CUX1: variants seen among roughly 807,000 people sequenced by gnomAD.
The protein encoded by CUX1 is cut like homeobox 1, also known as protein CASP.
CUX1 carries 31 observed loss-of-function variants against 158.8 expected under a neutral mutation model. The observed-to-expected ratio is 0.20, with a 90% CI of 0.15 to 0.26. The LOEUF is 0.26. Among genes scored for constraint, CUX1 ranks in the 10% least tolerant of loss-of-function variants. The probability of loss-of-function intolerance (pLI) is 1.00; values close to 1 mark genes in which losing one functional copy is unlikely to be tolerated. For synonymous variants in CUX1, 879 were observed against 862.1 expected (o/e 1.02, Z -0.34); for missense variants, 1,589 against 2,014.6 (o/e 0.79, Z 4.04).
intron 8 of CUX1, among the ~76,000 whole-genome samples, chr7:102,157,129 G>A (rs1283865703): frequency 6.6e-6 from 1 of 152,180 alleles, no homozygotes; most frequent in Non-Finnish European, 1.5e-5. Context: ...ACAGGGTCCT[G>A]AGAAAGAGTG....
intron 20 of CUX1, among the ~76,000 whole-genome samples, chr7:102,213,333 A>G (rs1490777507): frequency 1.3e-5 from 2 of 152,196 alleles, no homozygotes; most frequent in Admixed American, 6.5e-5. Context: ...TCATTGACCA[A>G]TTCCTTAAAG....
At chr7:101,983,314 C>T (rs1813713875) in intron 2 of CUX1, among the ~76,000 whole-genome samples, 2 of 152,176 alleles carry the variant, frequency 1.3e-5, no homozygotes, top group South Asian at 4.1e-4. Flanking sequence ...CAGCTATTTG[C>T]ATAAACCTCA....
chr7:102,204,602 A>G, intron 19 of CUX1, 46 bp downstream of exon 19: 1 of 1,600,124 alleles, frequency 6.2e-7, no homozygotes, highest in Non-Finnish European at 8.5e-7. Context: ...CCCCATAGCA[A>G]GGACCTGGTC....
intron 5 of CUX1, among the ~76,000 whole-genome samples, chr7:102,098,807 ATTTTTT>A (rs112048598): frequency 0.21 from 14,016 of 67,184 alleles, 1,566 homozygotes; most frequent in African/African-American, 0.31. Context: ...CGCCCAACTA[ATTTTTT>A]TTTTTTTTTT....
intron 6 of CUX1, among the ~76,000 whole-genome samples, chr7:102,106,087 T>C (rs1300801467): frequency 1.1e-4 from 14 of 124,588 alleles, no homozygotes; most frequent in African/African-American, 2.2e-4. Flanking sequence ...TTCTTTTTTT[T>C]TTTTTTTTTT....
At chr7:102,035,804 A>G (rs1489582981) in intron 3 of CUX1, among the ~76,000 whole-genome samples, 1 of 152,120 alleles carries the variant, frequency 6.6e-6, no homozygotes, top group Non-Finnish European at 1.5e-5. Flanking sequence ...TTCCACTACT[A>G]TTGAAGCGAT....
At chr7:102,161,407 C>T (rs1210424753) in intron 9 of CUX1, 1 of 152,074 alleles carries the variant, frequency 6.6e-6, no homozygotes. Context: ...GCTGAAGAAG[C>T]TCAGGTTTTG....
chr7:102,254,560 G>A lies in CUX1; in HGVS notation c.*5518G>A. The A allele has an allele frequency of 2.0e-6, 2 of 985,460 alleles. No homozygotes were observed. Among genetic ancestry groups the A allele is most frequent in the Non-Finnish European group, 2.4e-6 (2 of 829,982 alleles). 61.0% of individuals were successfully genotyped at this position (985,460 alleles called of 1,614,324 possible). ...TTGGAGGTGGGTCTGTCCACTGTGG[G>A]GGCCAAAGTGTTCCCCTGCTGGAGA... On this transcript the variant is annotated 3_prime_UTR_variant, in exon 24 of 24. Coordinates refer to ENST00000292535, the MANE Select transcript of CUX1 (RefSeq NM_181552.4).
chr7:102,216,515 C>T (rs543152119), intron 20 of CUX1, among the ~76,000 whole-genome samples: 1 of 59,500 alleles, frequency 1.7e-5, no homozygotes, highest in Non-Finnish European at 3.1e-5. Flanking sequence ...TGTGTGCGCG[C>T]ACACACACAC....
At chr7:101,984,111 TATATATATATATATATATAC>T (rs1403858735) in intron 2 of CUX1, among the ~76,000 whole-genome samples, 14 of 44,988 alleles carry the variant, frequency 3.1e-4, no homozygotes, top group Admixed American at 9.5e-4. Context: ...TATATATATA[TATATATATATATATATATAC>T]ACACACACAT....
intron 20 of CUX1, among the ~76,000 whole-genome samples, chr7:102,221,545 G>A (rs1797794802): frequency 6.6e-6 from 1 of 151,600 alleles, no homozygotes; most frequent in African/African-American, 2.4e-5. Context: ...TACGGCGGGT[G>A]CGGGTTTTCA....
chr7:101,867,769 A>G (rs1798082018), intron 1 of CUX1, among the ~76,000 whole-genome samples: 2 of 152,176 alleles, frequency 1.3e-5, no homozygotes, highest in South Asian at 4.1e-4. Context: ...TACAGAACGC[A>G]TTCATGATCA....
At chr7:102,272,018 TC>T (rs1791250227) in intron 14 of CUX1, among the ~76,000 whole-genome samples, 2 of 152,008 alleles carry the variant, frequency 1.3e-5, no homozygotes, top group South Asian at 4.1e-4. Context: ...TGAGACTCTG[TC>T]TCAATAAAAT....
chr7:101,921,598 TTA>T (rs1804946590), intron 2 of CUX1, among the ~76,000 whole-genome samples: 1 of 152,056 alleles, frequency 6.6e-6, no homozygotes, highest in Non-Finnish European at 1.5e-5. Context: ...GTAGCTGGAA[TTA>T]CACGTACCCG....
chr7:102,283,157 C>A, exon 23 of CUX1: 1 of 1,277,982 alleles, frequency 7.8e-7, no homozygotes, highest in Non-Finnish European at 1.1e-6. Flanking sequence ...TGCATCTAAT[C>A]ACTTAGACTC....
chr7:102,234,833 G>A (rs1554532058), intron 22 of CUX1, among the ~76,000 whole-genome samples: 1 of 151,690 alleles, frequency 6.6e-6, no homozygotes, highest in Non-Finnish European at 1.5e-5. Flanking sequence ...TTGGGAGGCT[G>A]AGGCACAAGA....
intron 1 of CUX1, among the ~76,000 whole-genome samples, chr7:101,892,897 C>G (rs946604184): frequency 6.6e-6 from 1 of 151,872 alleles, no homozygotes; most frequent in African/African-American, 2.4e-5. Flanking sequence ...TTCCAGAAAC[C>G]CTTTCTCTTT....
chr7:102,276,111 T>C (rs803083), intron 17 of CUX1, among the ~76,000 whole-genome samples: 40,763 of 152,032 alleles, frequency 0.27, 5,702 homozygotes, highest in East Asian at 0.5. Flanking sequence ...TTTACATTGC[T>C]TCCACCTTTT....
intron 23 of CUX1, among the ~76,000 whole-genome samples, chr7:102,240,086 G>A (rs782278452): frequency 7.9e-5 from 12 of 152,064 alleles, no homozygotes; most frequent in Non-Finnish European, 1.8e-4. Flanking sequence ...CTGCAGAGAT[G>A]TAAGGCCACG....
Sources: gnomAD v4.1 joint callset for allele counts (sites outside exome capture counted in the v4.1 genomes callset) on GRCh38, gnomAD v4.1.1 for gene constraint, MANE v1.5 for transcripts, NCBI Gene and HGNC (gene_info 2026-07-23, HGNC 2026-07-21) for gene names.